The following SLC2A13 variants were observed in gnomAD, a reference collection of about 807,000 sequenced individuals.
SLC2A13 encodes proton myo-inositol cotransporter.
In SLC2A13, 32 loss-of-function variants were observed where a neutral mutation model predicts 64.4. That is an observed-to-expected ratio of 0.50 (90% CI 0.37 to 0.67). The LOEUF is 0.67. SLC2A13 is among the 30% of genes least tolerant of loss of function. SLC2A13 has a pLI of 0.00. For missense variants in SLC2A13, 743 were observed against 829.2 expected (o/e 0.90, Z 1.28); for synonymous variants, 338 against 327.1 (o/e 1.03, Z -0.36).
At chr12:39,861,131 A>G (rs1437624775) in intron 6 of SLC2A13, among the ~76,000 whole-genome samples, 1 of 152,188 alleles carries the variant, frequency 6.6e-6, no homozygotes, top group Non-Finnish European at 1.5e-5. Context: ...TCTGTGTGAC[A>G]TACTCCACTC....
intron 7 of SLC2A13, among the ~76,000 whole-genome samples, chr12:39,782,923 A>T (rs1941047400): frequency 6.6e-6 from 1 of 152,068 alleles, no homozygotes; most frequent in African/African-American, 2.4e-5. Context: ...CACAATGTGC[A>T]GGTTTGTTAT....
At chr12:40,005,092 C>T (rs936710454) in intron 3 of SLC2A13, among the ~76,000 whole-genome samples, 1 of 152,008 alleles carries the variant, frequency 6.6e-6, no homozygotes, top group Non-Finnish European at 1.5e-5. Flanking sequence ...AATCACTTAC[C>T]AGCACTGCTG....
At chr12:39,980,420 A>T (rs1946867031) in intron 3 of SLC2A13, among the ~76,000 whole-genome samples, 2 of 151,594 alleles carry the variant, frequency 1.3e-5, no homozygotes, top group African/African-American at 4.8e-5. Flanking sequence ...TGCTGTATTC[A>T]GGAAACCCAT....
At chr12:40,034,642 G>A (rs1261222282) in intron 2 of SLC2A13, among the ~76,000 whole-genome samples, 1 of 152,080 alleles carries the variant, frequency 6.6e-6, no homozygotes, top group Non-Finnish European at 1.5e-5. Flanking sequence ...ATAGCTCAGA[G>A]GAATATTATA....
At chr12:40,079,245 A>C (rs1157743156) in intron 1 of SLC2A13, among the ~76,000 whole-genome samples, 6 of 152,144 alleles carry the variant, frequency 3.9e-5, no homozygotes, top group Non-Finnish European at 1.5e-5. Flanking sequence ...ACTTGATGTA[A>C]GCATTTAGCA....
At chr12:39,949,155 T>G (rs867887424) in intron 4 of SLC2A13, among the ~76,000 whole-genome samples, 2 of 152,170 alleles carry the variant, frequency 1.3e-5, no homozygotes, top group Non-Finnish European at 2.9e-5. Flanking sequence ...AATATGAATG[T>G]CTGAAATTAT....
chr12:40,018,433 CA>C (rs558078216), intron 3 of SLC2A13, among the ~76,000 whole-genome samples: 44 of 152,264 alleles, frequency 2.9e-4, no homozygotes, highest in Admixed American at 2.7e-3. Flanking sequence ...AAAAGATCAC[CA>C]TTCTACTTTC....
intron 4 of SLC2A13, among the ~76,000 whole-genome samples, chr12:39,914,945 A>G (rs1237622413): frequency 6.6e-6 from 1 of 152,010 alleles, no homozygotes; most frequent in African/African-American, 2.4e-5. Flanking sequence ...ATTGTTGACT[A>G]CATCAACAAA....
intron 7 of SLC2A13, among the ~76,000 whole-genome samples, chr12:39,768,676 A>C (rs1396833879): frequency 1.3e-5 from 2 of 152,088 alleles, no homozygotes; most frequent in African/African-American, 2.4e-5. Context: ...TTGACGTCTT[A>C]TACGGGTGCA....
intron 4 of SLC2A13, among the ~76,000 whole-genome samples, chr12:39,905,827 A>AAAC (rs1945259516): frequency 6.6e-6 from 1 of 151,500 alleles, no homozygotes; most frequent in South Asian, 2.1e-4. Flanking sequence ...GCCCAGAAAA[A>AAAC]AAAAAAAACT....
chr12:40,030,425 T>C (rs1202730077), intron 2 of SLC2A13, among the ~76,000 whole-genome samples: 1 of 152,194 alleles, frequency 6.6e-6, no homozygotes, highest in East Asian at 1.9e-4. Flanking sequence ...TTATACTATA[T>C]TGCTCATTAT....
At chr12:40,081,948 C>A (rs540972351) in intron 1 of SLC2A13, among the ~76,000 whole-genome samples, 1 of 152,284 alleles carries the variant, frequency 6.6e-6, no homozygotes, top group Admixed American at 6.5e-5. Context: ...TGCAGGGGGC[C>A]AAGGCTCAGC....
At chr12:39,892,076 T>G (rs1944625084) in intron 4 of SLC2A13, among the ~76,000 whole-genome samples, 1 of 152,200 alleles carries the variant, frequency 6.6e-6, no homozygotes. Flanking sequence ...CTTAAAAGTT[T>G]GCAAATTACC....
chr12:39,974,436 G>A (rs1946726985), intron 3 of SLC2A13, among the ~76,000 whole-genome samples: 1 of 152,200 alleles, frequency 6.6e-6, no homozygotes, highest in Non-Finnish European at 1.5e-5. Flanking sequence ...AAAACAGGAT[G>A]ATGACGCAAA....
At chr12:39,949,441 A>G (rs1946191639) in intron 4 of SLC2A13, 1 of 152,236 alleles carries the variant, frequency 6.6e-6, no homozygotes, top group African/African-American at 2.4e-5. Context: ...TAAATATTAG[A>G]GAATATCAGG....
At chr12:39,920,707 T>A (rs1053996409) in intron 4 of SLC2A13, among the ~76,000 whole-genome samples, 1 of 152,080 alleles carries the variant, frequency 6.6e-6, no homozygotes, top group Admixed American at 6.5e-5. Flanking sequence ...TTCCAGCTTC[T>A]GTATCTATAA....
At chr12:40,103,681 A>T (rs1939213878) in intron 1 of SLC2A13, among the ~76,000 whole-genome samples, 1 of 152,226 alleles carries the variant, frequency 6.6e-6, no homozygotes, top group Non-Finnish European at 1.5e-5. Flanking sequence ...GGTTGACAGA[A>T]CAATTCTTGC....
intron 4 of SLC2A13, among the ~76,000 whole-genome samples, chr12:39,904,798 T>G (rs1945223226): frequency 6.6e-6 from 1 of 152,124 alleles, no homozygotes. Context: ...ATGCTACTTC[T>G]TTAGTGCATA....
intron 3 of SLC2A13, among the ~76,000 whole-genome samples, chr12:39,965,041 A>T (rs2136120247): frequency 6.6e-6 from 1 of 152,120 alleles, no homozygotes; most frequent in South Asian, 2.1e-4. Flanking sequence ...CTCTCCAATA[A>T]AACAATCAGA....
Sources: gnomAD v4.1 joint callset for allele counts (sites outside exome capture counted in the v4.1 genomes callset) on GRCh38, gnomAD v4.1.1 for gene constraint, MANE v1.5 for transcripts, NCBI Gene and HGNC (gene_info 2026-07-23, HGNC 2026-07-21) for gene names.